ENG: variants seen among roughly 807,000 people sequenced by gnomAD.
ENG encodes endoglin, also known as CD105 antigen.
Under a neutral mutation model 71.0 loss-of-function variants are expected in ENG, and 17 were observed. That is an observed-to-expected ratio of 0.24 (90% CI 0.16 to 0.36). The LOEUF (loss-of-function observed/expected upper bound fraction) is 0.36. Among genes scored for constraint, ENG ranks in the 10% least tolerant of loss-of-function variants. The pLI is 1.00. For missense variants in ENG, 749 were observed against 868.3 expected (o/e 0.86, Z 1.73); for synonymous variants, 360 against 366.9 (o/e 0.98, Z 0.21).
At chr9:127,823,702 GAC>G (rs769568597) in intron 8 of ENG, among the ~76,000 whole-genome samples, 3,055 of 109,352 alleles carry the variant, frequency 0.028, 54 homozygotes, top group Non-Finnish European at 0.041. Flanking sequence ...TTTTTTCTGA[GAC>G]AGAGTCTCAC....
At chr9:127,821,124 T>C (rs1327879956) in intron 8 of ENG, 1 of 152,008 alleles carries the variant, frequency 6.6e-6, no homozygotes, top group Non-Finnish European at 1.5e-5. Context: ...CTTATTGCAC[T>C]GCCGGTCATA....
intron 2 of ENG, among the ~76,000 whole-genome samples, chr9:127,841,501 A>C (rs1251304241): frequency 3.9e-5 from 6 of 152,176 alleles, no homozygotes; most frequent in Non-Finnish European, 8.8e-5. Flanking sequence ...GAAAAAAAAA[A>C]ATGACAATGC....
intron 3 of ENG, 134 bp downstream of exon 3, chr9:127,829,553 T>G: frequency 8.0e-7 from 1 of 1,244,044 alleles, no homozygotes; most frequent in South Asian, 1.4e-5. Context: ...GGCAGGACCC[T>G]GGTGAATAAT....
Position 127,825,710 on chromosome 9 carries a change from G to A in ENG, c.674C>T (p.Pro225Leu), listed in dbSNP as rs781715616. 1.4e-5 allele frequency: 22 copies of A among 1,586,376 alleles called. No homozygotes were observed. The highest frequency in any genetic ancestry group is 5.1e-5 in the Admixed American group (3 of 58,416). The change falls in exon 5 of 15, where the codon CCG becomes CTG. Residue 225 changes from proline to leucine, a missense_variant. Physicochemically the swap from Pro to Leu is moderately conservative, Grantham distance 98 (BLOSUM62 -3). Transcript: ENST00000373203. ...AGAGCCATACCCGGCCGAGTGGCCC[G>A]GCAGGACCCTCAGGATGTGCGCCTC... ...HKEAHILRVL[P>L]GHSAGPRTVT...
intron 1 of ENG, among the ~76,000 whole-genome samples, chr9:127,845,368 C>T (rs2131923168): frequency 6.6e-6 from 1 of 152,342 alleles, no homozygotes; most frequent in Non-Finnish European, 1.5e-5. Flanking sequence ...ACGCCATTCC[C>T]AGCTCTGTCT....
intron 3 of ENG, among the ~76,000 whole-genome samples, chr9:127,828,016 T>C (rs1471572504): frequency 2.9e-5 from 2 of 68,710 alleles, no homozygotes; most frequent in Middle Eastern, 0.018. Context: ...TGAAACTCCA[T>C]CTCAAAAAAA....
chr9:127,852,375 C>T lies in ENG; in HGVS notation c.67+1914G>A, dbSNP rs1427495111. 2.6e-5 allele frequency among the ~76,000 whole-genome samples: 4 copies of T among 152,288 alleles called. No individual in the cohort carries two copies. In the South Asian group the frequency reaches 8.3e-4, roughly 32 times the overall value. On this transcript the variant is annotated intron_variant, in intron 1 of 14. Transcript: ENST00000373203. ...GAGGTCAGGGTCACTCCGACCCCTA[C>T]CCCCAGCTGGCTTCCAGGCCCTGGC...
rs549208741 is a variant in ENG, at chr9:127,816,962, C to T, written c.1741+187G>A. On this transcript the variant is annotated intron_variant, in intron 13 of 14. Coordinates refer to ENST00000373203, the MANE Select transcript of ENG (RefSeq NM_001114753.3). ...GCAAGGGCTCTCCATCTGCAAAGTGCAGCTCTGGCCCCTGCTCTAGGCTGC... is the reference window on the plus strand; with the variant it reads ...GCAAGGGCTCTCCATCTGCAAAGTGTAGCTCTGGCCCCTGCTCTAGGCTGC... 42 of 694,180 alleles carry T rather than the reference C, an allele frequency of 6.1e-5. No individual in the cohort carries two copies. The South Asian group carries it at 6.9e-4, about 11-fold the overall frequency. 43.0% of individuals were successfully genotyped at this position (694,180 alleles called of 1,614,324 possible).
chr9:127,846,540 C>T lies in ENG; in HGVS notation c.68-3295G>A, dbSNP rs1393048952. Among the ~76,000 whole-genome samples the T allele has an allele frequency of 6.6e-6, 1 of 152,138 alleles. No individual in the cohort carries two copies. Among genetic ancestry groups the T allele is most frequent in the Non-Finnish European group, 1.5e-5 (1 of 68,010 alleles). Reference sequence around the variant, plus strand: ...CCGCCTGGGGCCGCCTCCTCCATGCCGTCAGCCAGCGGGAGAGGCCACAAG... The same window carrying T: ...CCGCCTGGGGCCGCCTCCTCCATGCTGTCAGCCAGCGGGAGAGGCCACAAG... On this transcript the variant is annotated intron_variant, in intron 1 of 14. Transcript: ENST00000373203. The surrounding 1 kb of genome is among the most constrained non-coding windows in gnomAD (Gnocchi z 5.5).
At chr9:127,817,045 CT>C in intron 13 of ENG, 103 bp downstream of exon 13, 1 of 1,358,962 alleles carries the variant, frequency 7.4e-7, no homozygotes, top group South Asian at 1.2e-5. Context: ...TGGGGTCCCC[CT>C]TGCCATGTGC....
chr9:127,847,332 G>A (rs1157456688), intron 1 of ENG, among the ~76,000 whole-genome samples: 3 of 152,200 alleles, frequency 2.0e-5, no homozygotes, highest in Non-Finnish European at 4.4e-5. Context: ...GGCATTCACA[G>A]GCTGAGTGTG....
At chr9:127,841,592 G>A (rs1054483311) in intron 2 of ENG, among the ~76,000 whole-genome samples, 1 of 152,242 alleles carries the variant, frequency 6.6e-6, no homozygotes, top group Non-Finnish European at 1.5e-5. Context: ...TAGAGGGCAG[G>A]GCGGTGGGGA....
chr9:127,828,425 C>T (rs1830678321), intron 3 of ENG, among the ~76,000 whole-genome samples: 1 of 152,308 alleles, frequency 6.6e-6, no homozygotes, highest in Admixed American at 6.5e-5. Context: ...CCTCTGGCCA[C>T]CGGCCCCAGG....
chr9:127,832,069 C>CTTTTTTTTTTTTT (rs1041729379), intron 2 of ENG, among the ~76,000 whole-genome samples: 2 of 83,642 alleles, frequency 2.4e-5, no homozygotes, highest in African/African-American at 5.6e-5. Flanking sequence ...AGCTACCATT[C>CTTTTTTTTTTTTT]TTTTTTTTTT....
intron 2 of ENG, among the ~76,000 whole-genome samples, chr9:127,840,469 G>T (rs1019873505): frequency 6.6e-6 from 1 of 152,166 alleles, no homozygotes; most frequent in Non-Finnish European, 1.5e-5. Context: ...GGTGGCAGAC[G>T]CCTGTAATCC....
rs200780733 is a variant in ENG, at chr9:127,824,295, T to A, written c.1134+9A>T. 2.5e-5 allele frequency: 40 copies of A among 1,613,614 alleles called. No homozygotes were observed. The African/African-American group carries it at 5.1e-4, about 20-fold the overall frequency. On this transcript the variant is annotated intron_variant, in intron 8 of 14. Coordinates refer to ENST00000373203, the MANE Select transcript of ENG (RefSeq NM_001114753.3). ...TCATCCTGAGCCAGAGGGGCAGGAG[T>A]TCCCTTACCGCAACAAGCTCTTTCT...
chr9:127,816,701 G>A (rs1193635533), intron 13 of ENG: 6 of 262,222 alleles, frequency 2.3e-5, no homozygotes, highest in East Asian at 1.9e-4. Flanking sequence ...CACCAGTGTC[G>A]GGACTCTTCT....
At chr9:127,825,196 T>G (rs781107243) in intron 6 of ENG, 35 bp downstream of exon 6, 2 of 1,612,492 alleles carry the variant, frequency 1.2e-6, no homozygotes, top group Non-Finnish European at 1.7e-6. Flanking sequence ...GTTGGGAGTT[T>G]GGGTTTTGTG....
chr9:127,816,236 G>A, intron 13 of ENG, 183 bp from the exon 14 acceptor site: 1 of 791,628 alleles, frequency 1.3e-6, no homozygotes, highest in East Asian at 2.7e-5. Flanking sequence ...ATTGAGCCAT[G>A]GTTGCTAGGA....
Sources: gnomAD v4.1 joint callset for allele counts (sites outside exome capture counted in the v4.1 genomes callset) on GRCh38, gnomAD v4.1.1 for gene constraint, Gnocchi (gnomAD v3.1) non-coding constraint, MANE v1.5 for transcripts, NCBI Gene and HGNC (gene_info 2026-07-23, HGNC 2026-07-21) for gene names.